The following DDAH1 variants were observed in gnomAD, a reference collection of about 807,000 sequenced individuals.
DDAH1 encodes N(G),N(G)-dimethylarginine dimethylaminohydrolase 1.
In DDAH1, 19 loss-of-function variants were observed where a neutral mutation model predicts 28.8. The ratio of observed to expected loss-of-function variants is 0.66; its 90% CI spans 0.46 to 0.97. The LOEUF is 0.97. DDAH1 is among the 50% of genes least tolerant of loss of function. DDAH1 has a pLI of 0.00. For synonymous variants in DDAH1, 153 were observed against 154.4 expected, an observed-to-expected ratio of 0.99 and a Z score of 0.07; for missense variants, 326 against 375.9, an observed-to-expected ratio of 0.87 and a Z score of 1.10.
chr1:85,352,570 CCTGATTTAACCCACCACCACAA>C (rs1649277620), intron 2 of DDAH1, among the ~76,000 whole-genome samples: 1 of 152,044 alleles, frequency 6.6e-6, no homozygotes, highest in African/African-American at 2.4e-5. Context: ...ATATTTATTC[CCTGATTTAACCCACCACCACAA>C]CTGCTGTTAC....
At position 85,464,718 on chromosome 1, in the gene DDAH1, C is replaced by A; in HGVS notation, c.303+25G>T. 1 of 1,450,888 alleles carries A rather than the reference C, an allele frequency of 6.9e-7. No homozygotes were observed. The allele number at this position is 1,450,888 out of a possible 1,614,324, so 89.9% of individuals were successfully genotyped here. On this transcript the variant is annotated intron_variant, in intron 1 of 5. Transcript: ENST00000284031. The surrounding 1 kb of genome is among the most constrained non-coding windows in gnomAD (Gnocchi z 4.4). ...GGGGAGGGCCTGGCGCGCGCCCCGG[C>A]CGCGCCCCTCGAGTCGGCAGTTACC...
At chr1:85,478,234 G>A (rs1340457710) in intron 2 of DDAH1, among the ~76,000 whole-genome samples, 1 of 152,112 alleles carries the variant, frequency 6.6e-6, no homozygotes, top group Non-Finnish European at 1.5e-5. Context: ...CCATATCATA[G>A]GATACATCTT....
intron 1 of DDAH1, among the ~76,000 whole-genome samples, chr1:85,438,023 C>T (rs768397726): frequency 5.3e-5 from 8 of 152,142 alleles, no homozygotes; most frequent in Non-Finnish European, 8.8e-5. Context: ...TCATGTCCTT[C>T]GCCGCAACAT....
At chr1:85,475,768 G>A (rs1002078150) in intron 2 of DDAH1, among the ~76,000 whole-genome samples, 3 of 152,160 alleles carry the variant, frequency 2.0e-5, no homozygotes, top group African/African-American at 7.2e-5. Context: ...ACTTCTAGTG[G>A]CTTTATGGAG....
At chr1:85,425,574 G>A (rs893476279) in intron 1 of DDAH1, among the ~76,000 whole-genome samples, 2 of 152,152 alleles carry the variant, frequency 1.3e-5, no homozygotes, top group African/African-American at 2.4e-5. Flanking sequence ...CCATCAATAC[G>A]TAACGATTAT....
At chr1:85,342,068 C>T (rs369897402) in intron 4 of DDAH1, among the ~76,000 whole-genome samples, 11 of 152,054 alleles carry the variant, frequency 7.2e-5, no homozygotes, top group African/African-American at 2.7e-4. Flanking sequence ...ACAACACTCT[C>T]GATTCCTACT....
intron 1 of DDAH1, among the ~76,000 whole-genome samples, chr1:85,455,704 A>G (rs1654853569): frequency 6.6e-6 from 1 of 152,210 alleles, no homozygotes; most frequent in East Asian, 1.9e-4. Flanking sequence ...ACTGACAGAC[A>G]CTGAGGAAAG....
rs150266474 is a variant in DDAH1 at position 85,341,755 on chromosome 1, G to A, written c.597+8660C>T. ...GTGAACCCGGGAGGTGGAGCTTGCA[G>A]AGAGCCGAGATCACGCCACTGCACT... On this transcript the variant is annotated intron_variant, in intron 4 of 5. Coordinates refer to ENST00000284031, the MANE Select transcript of DDAH1 (RefSeq NM_012137.4). Among the ~76,000 whole-genome samples the A allele has an allele frequency of 7.4e-3, 1,124 of 152,238 alleles. 8 individuals carry two copies. The highest frequency in any genetic ancestry group is 0.014 in the Middle Eastern group (4 of 294).
At chr1:85,337,476 T>C (rs531646295) in intron 4 of DDAH1, among the ~76,000 whole-genome samples, 9 of 151,404 alleles carry the variant, frequency 5.9e-5, no homozygotes, top group Non-Finnish European at 1.0e-4. Flanking sequence ...TTTTTTGAGA[T>C]GTAGTCTCAC....
At chr1:85,564,335 A>G (rs1659223439) in intron 1 of DDAH1, among the ~76,000 whole-genome samples, 1 of 152,230 alleles carries the variant, frequency 6.6e-6, no homozygotes, top group East Asian at 1.9e-4. Flanking sequence ...AAAAGACTAA[A>G]AGTAAAAAAC....
At position 85,319,137 on chromosome 1, in the gene DDAH1, A is replaced by G. The variant is rs370088681; in HGVS notation, c.*2315T>C. ...ATAACATTATGCTAATGAGAACATC[A>G]AAGAAGTAATACTATGCTGCAAGTA... On this transcript the variant is annotated 3_prime_UTR_variant, in exon 6 of 6. Coordinates refer to ENST00000284031, the MANE Select transcript of DDAH1 (RefSeq NM_012137.4). 126 of 152,332 alleles carry G rather than the reference A, an allele frequency of 8.3e-4. No individual in the cohort carries two copies. The highest frequency in any genetic ancestry group is 2.9e-3 in the African/African-American group (121 of 41,576). The allele number at this position is 152,332 out of a possible 1,614,324, so 9.4% of individuals were successfully genotyped here.
chr1:85,351,060 GTTTTTTTTTT>G (rs35352719), intron 3 of DDAH1, among the ~76,000 whole-genome samples: 1 of 137,204 alleles, frequency 7.3e-6, no homozygotes, highest in African/African-American at 2.6e-5. Context: ...GGGTTTCCAA[GTTTTTTTTTT>G]TTTTTTTTAG....
intron 1 of DDAH1, among the ~76,000 whole-genome samples, chr1:85,523,749 G>T (rs1445890946): frequency 7.2e-5 from 11 of 152,342 alleles, no homozygotes; most frequent in Admixed American, 6.5e-4. Flanking sequence ...CCTCATGTGG[G>T]AAGTGTGGGT....
intron 4 of DDAH1, among the ~76,000 whole-genome samples, chr1:85,325,536 G>A (rs971346492): frequency 6.6e-6 from 1 of 151,860 alleles, no homozygotes; most frequent in Admixed American, 6.6e-5. Flanking sequence ...TTTGGGTGAG[G>A]CATAGGAATT....
chr1:85,356,510 T>C (rs781741693), intron 2 of DDAH1, among the ~76,000 whole-genome samples: 5 of 152,218 alleles, frequency 3.3e-5, no homozygotes, highest in Non-Finnish European at 5.9e-5. Flanking sequence ...GTCACTTGAA[T>C]TGTACACTTA....
intron 1 of DDAH1, among the ~76,000 whole-genome samples, chr1:85,370,445 T>C (rs540616218): frequency 1.3e-5 from 2 of 152,312 alleles, no homozygotes; most frequent in East Asian, 1.9e-4. Context: ...ACATAAAGAA[T>C]TGGAATTTTA....
chr1:85,409,124 A>AC (rs1652531246), intron 1 of DDAH1, among the ~76,000 whole-genome samples: 1 of 151,872 alleles, frequency 6.6e-6, no homozygotes, highest in Non-Finnish European at 1.5e-5. Flanking sequence ...ACATTATGAG[A>AC]TTTTTTTGAT....
intron 1 of DDAH1, among the ~76,000 whole-genome samples, chr1:85,575,284 G>A (rs1659570789): frequency 6.6e-6 from 1 of 152,060 alleles, no homozygotes; most frequent in East Asian, 1.9e-4. Flanking sequence ...AACAGACTGG[G>A]TCCACAGTGA....
At chr1:85,428,151 C>T (rs1653498258) in intron 1 of DDAH1, among the ~76,000 whole-genome samples, 1 of 152,180 alleles carries the variant, frequency 6.6e-6, no homozygotes, top group Non-Finnish European at 1.5e-5. Flanking sequence ...TTTCAGACTT[C>T]TCAGAACCAA....
Sources: allele counts gnomAD v4.1 joint callset (sites outside exome capture counted in the v4.1 genomes callset), GRCh38; gene constraint gnomAD v4.1.1; non-coding constraint Gnocchi (gnomAD v3.1); transcripts MANE v1.5; gene names NCBI Gene and HGNC (gene_info 2026-07-23, HGNC 2026-07-21).